The following BAIAP2 variants were observed in gnomAD, a reference collection of about 807,000 sequenced individuals.
BAIAP2 encodes the protein BAR/IMD domain containing adaptor protein 2.
A neutral mutation model predicts 63.0 loss-of-function variants in BAIAP2; 18 were observed. The ratio of observed to expected loss-of-function variants is 0.29; its 90% CI spans 0.20 to 0.42. The LOEUF (loss-of-function observed/expected upper bound fraction) is 0.42, where lower values mean the gene tolerates loss of function less well. Among genes scored for constraint, BAIAP2 ranks in the 10% least tolerant of loss-of-function variants. The pLI is 1.00. For synonymous variants in BAIAP2, 386 were observed against 307.6 expected (o/e 1.25, Z -2.67); for missense variants, 610 against 734.3 (o/e 0.83, Z 1.96).
Position 81,106,895 on chromosome 17 carries a change from C to A in BAIAP2, c.1488C>A (p.Pro496=). 1 of 1,558,952 alleles carries A rather than the reference C, an allele frequency of 6.4e-7. No individual in the cohort carries two copies. ...FKQRPYSVAV[P]AFSQGLDDYG... ...AGAGGCCCTACAGTGTGGCCGTGCC[C>A]GCCTTCTCCCAGGTCAGTGGGCGGG... is the stretch of plus-strand genomic sequence containing the variant. Residue 496 remains proline, a synonymous_variant, in exon 12 of 14, where the codon CCC becomes CCA. Transcript: ENST00000428708.
At position 81,110,309 on chromosome 17, in the gene BAIAP2, C is replaced by T. The variant is rs963317154; in HGVS notation, c.1535+1800C>T. On this transcript the variant is annotated intron_variant, in intron 13 of 13. Coordinates refer to ENST00000428708, the MANE Select transcript of BAIAP2 (RefSeq NM_001144888.2). ...CGGGCCCTGTGTAGAGACCCTTCCG[C>T]GCCGGCGTTCCCGCTCCGCTAAAGA... 2.8e-5 allele frequency: 28 copies of T among 986,320 alleles called. No individual in the cohort carries two copies. In the East Asian group the frequency reaches 7.9e-4, roughly 28 times the overall value. The allele number at this position is 986,320 out of a possible 1,614,324, so 61.1% of individuals were successfully genotyped here. A position where few individuals can be genotyped will look rare whatever the true frequency, so the allele number is the denominator to read the frequency against.
At chr17:81,069,964 C>G (rs955342559) in intron 3 of BAIAP2, among the ~76,000 whole-genome samples, 3 of 150,762 alleles carry the variant, frequency 2.0e-5, no homozygotes, top group Admixed American at 6.6e-5. Context: ...TTGTTGTTGT[C>G]TTTTCCCCCT....
chr17:81,043,662 C>CCA (rs1052795265), intron 1 of BAIAP2, among the ~76,000 whole-genome samples: 2 of 152,220 alleles, frequency 1.3e-5, no homozygotes, highest in Non-Finnish European at 2.9e-5. Context: ...CTGCGCTGGA[C>CCA]ATTCTCTGTG....
intron 13 of BAIAP2, among the ~76,000 whole-genome samples, chr17:81,112,964 G>A (rs1453683745): frequency 6.6e-6 from 1 of 152,218 alleles, no homozygotes; most frequent in Non-Finnish European, 1.5e-5. Flanking sequence ...GCTGAGGTGG[G>A]AGGATTGCTT....
chr17:81,046,352 CA>C lies in BAIAP2; in HGVS notation c.55-7315del, dbSNP rs752942336. On this transcript the variant is annotated intron_variant, in intron 1 of 13. Transcript: ENST00000428708. This position sits in a 1 kb window ranked among gnomAD's most constrained non-coding sequence, Gnocchi z 4.5. The stretch of plus-strand genomic sequence containing the variant: ...CAGTTCAAGATCTGCCTCCTCCAGG[CA>C]GCCCTCCCAGCTGTGCTCCTGGAGT... 2.9e-4 allele frequency among the ~76,000 whole-genome samples: 44 copies of C among 152,176 alleles called. No individual in the cohort carries two copies. Among genetic ancestry groups the C allele is most frequent in the Non-Finnish European group, 5.0e-4 (34 of 68,018 alleles).
At chr17:81,055,313 T>C (rs1020454479) in intron 2 of BAIAP2, among the ~76,000 whole-genome samples, 6 of 152,184 alleles carry the variant, frequency 3.9e-5, no homozygotes, top group African/African-American at 1.4e-4. Flanking sequence ...GGACCAGTTG[T>C]GCCCGCCTGC....
intron 1 of BAIAP2, among the ~76,000 whole-genome samples, chr17:81,050,723 ACAAATGTG>A (rs1406831269): frequency 2.3e-4 from 4 of 17,632 alleles, no homozygotes; most frequent in African/African-American, 5.4e-4. Flanking sequence ...ACACACGCAC[ACAAATGTG>A]CACATGCACA....
At chr17:81,115,440 C>T (rs1453198286) in intron 13 of BAIAP2, among the ~76,000 whole-genome samples, 4 of 152,238 alleles carry the variant, frequency 2.6e-5, no homozygotes, top group South Asian at 2.1e-4. Context: ...TGGTGATGTC[C>T]GCCCCTCACT....
At chr17:81,094,695 G>A (rs1030523660) in intron 6 of BAIAP2, among the ~76,000 whole-genome samples, 4 of 152,170 alleles carry the variant, frequency 2.6e-5, no homozygotes, top group Admixed American at 2.0e-4. Context: ...CCATCAGCCT[G>A]GGAGGCCTGG....
At chr17:81,085,797 T>G in intron 5 of BAIAP2, 72 bp downstream of exon 5, 1 of 1,212,704 alleles carries the variant, frequency 8.2e-7, no homozygotes, top group African/African-American at 1.5e-5. Flanking sequence ...CTGCCACTCC[T>G]TCCTCGGCCT....
In BAIAP2 at chr17:81,051,069, C is replaced by T. The variant is rs149863889; in HGVS notation, c.55-2599C>T. Among the ~76,000 whole-genome samples, 180 of 152,018 alleles carry T rather than the reference C, an allele frequency of 1.2e-3. 1 individual carries two copies. Among genetic ancestry groups the T allele is most frequent in the African/African-American group, 3.6e-3 (149 of 41,484 alleles). On this transcript the variant is annotated intron_variant, in intron 1 of 13. Transcript: ENST00000428708. ...GGCGCCAGACCTATCTCACCCCACT[C>T]CCGGTGTGGCCTCCCTGCCCCGGCT...
intron 3 of BAIAP2, among the ~76,000 whole-genome samples, chr17:81,080,251 C>T (rs1049934050): frequency 4.6e-5 from 7 of 152,238 alleles, no homozygotes; most frequent in Non-Finnish European, 8.8e-5. Context: ...CTGCGGCACC[C>T]TGGGGGTTAA....
chr17:81,064,891 T>C (rs2051195815), intron 3 of BAIAP2, among the ~76,000 whole-genome samples: 1 of 152,224 alleles, frequency 6.6e-6, no homozygotes, highest in Admixed American at 6.5e-5. Flanking sequence ...AGTCAGGGAA[T>C]GGAGTGGCAG....
At chr17:81,047,534 AG>A (rs2047997015) in intron 1 of BAIAP2, among the ~76,000 whole-genome samples, 1 of 152,228 alleles carries the variant, frequency 6.6e-6, no homozygotes, top group Non-Finnish European at 1.5e-5. Context: ...GCACATGCAC[AG>A]GTAAACACGT....
intron 1 of BAIAP2, among the ~76,000 whole-genome samples, chr17:81,049,540 C>T (rs1278543329): frequency 6.6e-6 from 1 of 152,246 alleles, no homozygotes; most frequent in Admixed American, 6.5e-5. Context: ...TCCCGATCTC[C>T]TCCCCATCCC....
intron 6 of BAIAP2, among the ~76,000 whole-genome samples, chr17:81,092,658 G>A (rs1301159535): frequency 1.3e-5 from 2 of 152,240 alleles, no homozygotes; most frequent in South Asian, 2.1e-4. Context: ...TAACTAGGAC[G>A]GGAGAGCTTT....
rs1568210539 is a variant in BAIAP2, at chr17:81,116,330, T to C, written c.*491T>C. 1.2e-6 allele frequency: 2 copies of C among 1,612,274 alleles called. No individual in the cohort carries two copies. The highest frequency in any genetic ancestry group is 1.7e-6 in the Non-Finnish European group (2 of 1,179,668). ...AACTTCCCGTAAGCACGTAATTCCC[T>C]GCAGGTCCGGCAGCTACACCTGGAG... On this transcript the variant is annotated 3_prime_UTR_variant, in exon 14 of 14. Transcript: ENST00000428708.
At chr17:81,075,235 G>A (rs1396312405) in intron 3 of BAIAP2, among the ~76,000 whole-genome samples, 1 of 152,224 alleles carries the variant, frequency 6.6e-6, no homozygotes, top group East Asian at 1.9e-4. Context: ...CGCCTGTGCT[G>A]GGTCTGGGGC....
chr17:81,060,092 G>A (rs531506520), intron 3 of BAIAP2, among the ~76,000 whole-genome samples: 3 of 152,284 alleles, frequency 2.0e-5, no homozygotes, highest in South Asian at 2.1e-4. Context: ...CTCCTGGAGC[G>A]TGGAGCCCCG....
Sources: allele counts gnomAD v4.1 joint callset (sites outside exome capture counted in the v4.1 genomes callset), GRCh38; gene constraint gnomAD v4.1.1; non-coding constraint Gnocchi (gnomAD v3.1); transcripts MANE v1.5; gene names NCBI Gene and HGNC (gene_info 2026-07-23, HGNC 2026-07-21).